Variants in LIX1 observed in about 807,000 individuals in gnomAD.
The protein encoded by LIX1 is protein limb expression 1 homolog.
LIX1 carries 24 observed loss-of-function variants against 33.4 expected under a neutral mutation model. The ratio of observed to expected loss-of-function variants is 0.72; its 90% CI spans 0.52 to 1.01. LIX1 has a LOEUF of 1.01. LIX1 is among the 50% of genes least tolerant of loss of function. LIX1 has a pLI of 0.00. For synonymous variants in LIX1, 124 were observed against 124.0 expected (o/e 1.00, Z 0.00); for missense variants, 311 against 339.2 (o/e 0.92, Z 0.65).
chr5:97,122,620 A>G (rs1747812241), intron 2 of LIX1, among the ~76,000 whole-genome samples: 1 of 152,094 alleles, frequency 6.6e-6, no homozygotes, highest in South Asian at 2.1e-4. Context: ...TTTGCAGGCT[A>G]TTTGAGAACT....
chr5:97,140,756 T>C (rs1561507517), intron 1 of LIX1, among the ~76,000 whole-genome samples: 1 of 152,218 alleles, frequency 6.6e-6, no homozygotes, highest in Non-Finnish European at 1.5e-5. Flanking sequence ...CATTTAGTCA[T>C]TTTTCAGATT....
chr5:97,098,678 A>T (rs932482675), intron 4 of LIX1, among the ~76,000 whole-genome samples: 1 of 152,208 alleles, frequency 6.6e-6, no homozygotes, highest in Non-Finnish European at 1.5e-5. Flanking sequence ...TGAGCCCAAG[A>T]GTTTGAGACC....
intron 2 of LIX1, among the ~76,000 whole-genome samples, chr5:97,121,041 CTTAT>C: frequency 6.6e-6 from 1 of 152,116 alleles, no homozygotes; most frequent in South Asian, 2.1e-4. Flanking sequence ...ATCTGTCTTT[CTTAT>C]TTGTCTTTTC....
At chr5:97,125,610 G>A (rs1216396517) in intron 1 of LIX1, among the ~76,000 whole-genome samples, 2 of 152,218 alleles carry the variant, frequency 1.3e-5, no homozygotes, top group African/African-American at 4.8e-5. Context: ...GGTTCATGCA[G>A]AGGGTCTACT....
At chr5:97,113,189 A>G (rs1015106057) in intron 2 of LIX1, among the ~76,000 whole-genome samples, 1 of 152,192 alleles carries the variant, frequency 6.6e-6, no homozygotes. Context: ...TCTGAGTGAG[A>G]TGGGAAGCTG....
In LIX1 at chr5:97,094,944, G is replaced by C. The variant is rs754628104; in HGVS notation, c.653C>G (p.Pro218Arg). 6.2e-7 allele frequency: 1 copy of C among 1,614,044 alleles called. No individual in the cohort carries two copies. Among genetic ancestry groups the C allele is most frequent in the Admixed American group, 1.7e-5 (1 of 59,998 alleles). The change falls in exon 6 of 6, where the codon CCA becomes CGA. Residue 218 changes from proline (P) to arginine (R), a missense_variant. Transcript: ENST00000274382. Reference sequence around the variant, plus strand: ...TCGTAGCTCTTGAGAGACAATTCCTGGTGAGTCCCGCTCCTTCATGATCCA... The same window carrying C: ...TCGTAGCTCTTGAGAGACAATTCCTCGTGAGTCCCGCTCCTTCATGATCCA... ...LDWIMKERDS[P>R]GIVSQELRMA... is the part of the protein sequence containing the mutation.
intron 4 of LIX1, among the ~76,000 whole-genome samples, chr5:97,103,655 G>A (rs781512060): frequency 1.3e-5 from 2 of 152,162 alleles, no homozygotes; most frequent in African/African-American, 2.4e-5. Context: ...TAAGACCTTG[G>A]CCACTTAAGG....
At chr5:97,107,260 T>A in intron 3 of LIX1, 100 bp downstream of exon 3, 1 of 1,226,612 alleles carries the variant, frequency 8.2e-7, no homozygotes, top group Non-Finnish European at 1.1e-6. Context: ...ATCTACAGAA[T>A]TCTTAAAATA....
chr5:97,099,762 G>A lies in LIX1; in HGVS notation c.484-2875C>T, dbSNP rs114188406. On this transcript the variant is annotated intron_variant, in intron 4 of 5. Coordinates refer to ENST00000274382, the MANE Select transcript of LIX1 (RefSeq NM_153234.5). ...TGAGGCAGGAAAATTGTTTGAACCT[G>A]GGAGGCGGAGAGTACAGTCAGCTGC... 9.3e-3 allele frequency among the ~76,000 whole-genome samples: 1,413 copies of A among 152,232 alleles called. 28 individuals carry two copies. The highest frequency in any genetic ancestry group is 0.033 in the African/African-American group (1,351 of 41,508).
chr5:97,126,782 G>A (rs929619319), intron 1 of LIX1, among the ~76,000 whole-genome samples: 1 of 151,546 alleles, frequency 6.6e-6, no homozygotes, highest in Non-Finnish European at 1.5e-5. Flanking sequence ...TGGGACTACA[G>A]GTGCCCACCA....
chr5:97,106,891 A>G (rs1225133298), intron 3 of LIX1, among the ~76,000 whole-genome samples: 2 of 152,208 alleles, frequency 1.3e-5, no homozygotes, highest in African/African-American at 4.8e-5. Flanking sequence ...TAAACAGTCC[A>G]TGTTTCCTTA....
chr5:97,103,733 A>C (rs1746845101), intron 4 of LIX1, among the ~76,000 whole-genome samples: 2 of 152,226 alleles, frequency 1.3e-5, no homozygotes, highest in Non-Finnish European at 2.9e-5. Flanking sequence ...TGGGAGGCCA[A>C]GGCGGGCAGA....
intron 5 of LIX1, among the ~76,000 whole-genome samples, chr5:97,095,608 T>A (rs1746335495): frequency 6.6e-6 from 1 of 152,226 alleles, no homozygotes; most frequent in South Asian, 2.1e-4. Context: ...AGTTTAGATG[T>A]ATAATGGAAG....
rs1393013411 is a variant in LIX1 at position 97,108,134 on chromosome 5, A to G, written c.247-634T>C. 2.0e-5 allele frequency among the ~76,000 whole-genome samples: 3 copies of G among 152,338 alleles called. No individual in the cohort carries two copies. The East Asian group carries it at 5.8e-4, about 29-fold the overall frequency. On this transcript the variant is annotated intron_variant, in intron 2 of 5. Coordinates refer to ENST00000274382, the MANE Select transcript of LIX1 (RefSeq NM_153234.5). ...ACTTATGAGAACAGGCCAGCCAGAC[A>G]TTTTTATCTCCAGGTTAGTACAAGG...
chr5:97,112,161 T>A (rs1435778545), intron 2 of LIX1, among the ~76,000 whole-genome samples: 1 of 152,224 alleles, frequency 6.6e-6, no homozygotes, highest in Admixed American at 6.5e-5. Context: ...GCTGCATATT[T>A]TTCTCTAGGG....
chr5:97,095,805 C>T (rs977955667), intron 5 of LIX1, among the ~76,000 whole-genome samples: 3 of 152,076 alleles, frequency 2.0e-5, no homozygotes, highest in Non-Finnish European at 4.4e-5. Context: ...TTTTCAAGAA[C>T]ATATGGTATG....
intron 4 of LIX1, among the ~76,000 whole-genome samples, chr5:97,097,361 C>T (rs529536933): frequency 1.1e-4 from 16 of 152,226 alleles, no homozygotes; most frequent in African/African-American, 3.6e-4. Flanking sequence ...AGGATGAGAA[C>T]GTTCCATAAG....
At chr5:97,140,982 G>A (rs1403381681) in intron 1 of LIX1, among the ~76,000 whole-genome samples, 2 of 152,162 alleles carry the variant, frequency 1.3e-5, no homozygotes, top group African/African-American at 4.8e-5. Context: ...CTTAATGTAT[G>A]CTTTATTGTA....
chr5:97,101,875 A>G (rs1430628029), intron 4 of LIX1: 5 of 152,216 alleles, frequency 3.3e-5, no homozygotes, highest in African/African-American at 1.2e-4. Flanking sequence ...TTAAGAGGAA[A>G]TTTGTTTATG....
Sources: gnomAD v4.1 joint callset for allele counts (sites outside exome capture counted in the v4.1 genomes callset) on GRCh38, gnomAD v4.1.1 for gene constraint, MANE v1.5 for transcripts, NCBI Gene and HGNC (gene_info 2026-07-23, HGNC 2026-07-21) for gene names.